RPRD1A: variants seen among roughly 807,000 people sequenced by gnomAD.
The protein encoded by RPRD1A is regulation of nuclear pre-mRNA domain-containing protein 1A.
RPRD1A carries 9 observed loss-of-function variants against 37.8 expected under a neutral mutation model. The observed-to-expected ratio is 0.24, with a 90% confidence interval of 0.14 to 0.42. The LOEUF (loss-of-function observed/expected upper bound fraction) is 0.42, where lower values mean the gene tolerates loss of function less well. RPRD1A is among the 10% of genes least tolerant of loss of function. RPRD1A has a pLI of 1.00. For synonymous variants in RPRD1A, 138 were observed against 139.7 expected (o/e 0.99, Z 0.08); for missense variants, 255 against 371.0 (o/e 0.69, Z 2.57).
At chr18:36,047,938 G>A (rs1191527236) in intron 1 of RPRD1A, among the ~76,000 whole-genome samples, 1 of 152,028 alleles carries the variant, frequency 6.6e-6, no homozygotes, top group East Asian at 1.9e-4. Context: ...TTCTACAAGA[G>A]GGAACACATC....
At chr18:36,054,405 A>G (rs557385781) in intron 1 of RPRD1A, among the ~76,000 whole-genome samples, 1 of 152,192 alleles carries the variant, frequency 6.6e-6, no homozygotes, top group Non-Finnish European at 1.5e-5. Flanking sequence ...AGGCAGGAGA[A>G]TCACGAACCA....
intron 2 of RPRD1A, among the ~76,000 whole-genome samples, chr18:36,031,343 A>G (rs550630101): frequency 0.013 from 2,008 of 151,164 alleles, 39 homozygotes; most frequent in African/African-American, 0.047. Flanking sequence ...TTAAACTGTA[A>G]AAGTTTTAGT....
intron 1 of RPRD1A, among the ~76,000 whole-genome samples, chr18:36,054,515 T>A (rs895438038): frequency 1.3e-5 from 2 of 152,026 alleles, no homozygotes; most frequent in African/African-American, 4.8e-5. Context: ...AGTAAATAAA[T>A]AAAATGTTAG....
At chr18:36,026,575 T>A (rs1182820846) in intron 6 of RPRD1A, 1 of 205,466 alleles carries the variant, frequency 4.9e-6, no homozygotes. Flanking sequence ...CTACTACAAG[T>A]GACTGCCACC....
At chr18:36,035,912 A>G (rs1786234) in intron 1 of RPRD1A, among the ~76,000 whole-genome samples, 151,050 of 152,194 alleles carry the variant, frequency 0.99, 74,965 homozygotes, top group East Asian at 1. Context: ...GAGTAGAAGG[A>G]TAGTTGCCAA....
intron 6 of RPRD1A, among the ~76,000 whole-genome samples, chr18:35,997,603 TATCTA>T (rs1469491472): frequency 1.3e-5 from 2 of 152,186 alleles, no homozygotes; most frequent in East Asian, 3.8e-4. Flanking sequence ...TGTAACTGAG[TATCTA>T]TTCTACTACA....
intron 1 of RPRD1A, among the ~76,000 whole-genome samples, chr18:36,055,693 T>A (rs1379914087): frequency 2.1e-4 from 32 of 152,332 alleles, no homozygotes; most frequent in Non-Finnish European, 8.8e-5. Flanking sequence ...AACAAATTGA[T>A]TCTAGAATTT....
rs2089054631 is a variant in RPRD1A at position 36,067,433 on chromosome 18, A to C, written c.-29T>G. On this transcript the variant is annotated 5_prime_UTR_variant, in exon 1 of 7. Coordinates refer to ENST00000399022, the MANE Select transcript of RPRD1A (RefSeq NM_018170.5). The stretch of plus-strand genomic sequence containing the variant: ...TCCGACACCACGTTCACGCCGTCCC[A>C]CGCGGTGGGGCCGAGGGGAGGAGAG... 1.3e-6 allele frequency: 2 copies of C among 1,594,586 alleles called. No individual in the cohort carries two copies. Among genetic ancestry groups the C allele is most frequent in the Admixed American group, 3.5e-5 (2 of 57,484 alleles).
chr18:36,026,183 G>C (rs1369732813), intron 6 of RPRD1A: 2 of 152,258 alleles, frequency 1.3e-5, no homozygotes, highest in Non-Finnish European at 2.9e-5. Context: ...GTAAATAAAG[G>C]GATTCAAATT....
intron 1 of RPRD1A, among the ~76,000 whole-genome samples, chr18:36,036,072 T>C (rs1912171848): frequency 6.6e-6 from 1 of 151,964 alleles, no homozygotes; most frequent in Admixed American, 6.6e-5. Context: ...TAAATAATAT[T>C]TATTACCACA....
At chr18:36,031,419 G>A (rs1911782730) in intron 2 of RPRD1A, among the ~76,000 whole-genome samples, 1 of 152,152 alleles carries the variant, frequency 6.6e-6, no homozygotes, top group Non-Finnish European at 1.5e-5. Flanking sequence ...ATTTCTCATA[G>A]GTTATTTTTT....
At position 36,026,752 on chromosome 18, in the gene RPRD1A, T is replaced by C. The variant is rs1050655575; in HGVS notation, c.789+148A>G. ...TTTGGTTCAAGTAGAAGAAAAACCA[T>C]TAATACAAGGAGAAGCTTACCTGGG... On this transcript the variant is annotated intron_variant, in intron 6 of 6. Coordinates refer to ENST00000399022, the MANE Select transcript of RPRD1A (RefSeq NM_018170.5). The C allele has an allele frequency of 2.7e-5, 16 of 587,646 alleles. No homozygotes were observed. In the South Asian group the frequency reaches 5.4e-4, roughly 20 times the overall value. The allele number at this position is 587,646 out of a possible 1,614,324, so 36.4% of individuals were successfully genotyped here.
At chr18:36,058,843 TAC>T (rs1188669278) in intron 1 of RPRD1A, among the ~76,000 whole-genome samples, 1 of 152,192 alleles carries the variant, frequency 6.6e-6, no homozygotes, top group Non-Finnish European at 1.5e-5. Context: ...CTCACAAGCG[TAC>T]AGTGTTGTTT....
intron 1 of RPRD1A, among the ~76,000 whole-genome samples, chr18:36,057,954 G>C (rs1913909321): frequency 6.6e-6 from 1 of 152,234 alleles, no homozygotes; most frequent in Non-Finnish European, 1.5e-5. Context: ...GAACACAGCT[G>C]TATGTCCCTT....
intron 6 of RPRD1A, among the ~76,000 whole-genome samples, chr18:36,022,628 T>C (rs936366933): frequency 6.6e-6 from 1 of 152,234 alleles, no homozygotes; most frequent in African/African-American, 2.4e-5. Flanking sequence ...ATTTACAGCA[T>C]AGTTTACTGA....
At chr18:36,061,751 A>G (rs1167800547) in intron 1 of RPRD1A, among the ~76,000 whole-genome samples, 1 of 152,244 alleles carries the variant, frequency 6.6e-6, no homozygotes, top group Non-Finnish European at 1.5e-5. Flanking sequence ...AATCTAATAC[A>G]ATACTTGTAC....
At chr18:36,025,927 A>G (rs770351890) in intron 6 of RPRD1A, 7 of 235,426 alleles carry the variant, frequency 3.0e-5, no homozygotes, top group South Asian at 1.5e-4. Flanking sequence ...GCCACCAACT[A>G]TCATCATCTG....
chr18:36,008,589 A>ATATATC lies in RPRD1A; in HGVS notation c.790-15290_790-15289insGATATA, dbSNP rs71381561. On this transcript the variant is annotated intron_variant, in intron 6 of 6. Transcript: ENST00000399022. ...AGACCTTGTGTGTGTATATATATATATCTTTAAAAATCTCTCTAGGAAAAA... is the reference window on the plus strand; with the variant it reads ...AGACCTTGTGTGTGTATATATATATATATATCTCTTTAAAAATCTCTCTAGGAAAAA... 1.8e-4 allele frequency among the ~76,000 whole-genome samples: 16 copies of ATATATC among 90,826 alleles called. 1 individual carries two copies. The highest frequency in any genetic ancestry group is 8.4e-4 in the South Asian group (2 of 2,380). The allele number at this position is 90,826 out of a possible 152,430, so 59.6% of individuals were successfully genotyped here.
intron 6 of RPRD1A, among the ~76,000 whole-genome samples, chr18:36,017,355 C>T (rs955989007): frequency 6.6e-6 from 1 of 152,250 alleles, no homozygotes; most frequent in East Asian, 1.9e-4. Context: ...CAGGCTTTTA[C>T]TGCTGAGCAC....
Sources: allele counts gnomAD v4.1 joint callset (sites outside exome capture counted in the v4.1 genomes callset), GRCh38; gene constraint gnomAD v4.1.1; transcripts MANE v1.5; gene names NCBI Gene and HGNC (gene_info 2026-07-23, HGNC 2026-07-21).